Variants in RBM26 observed in about 807,000 individuals in gnomAD.
RBM26 encodes the protein RNA-binding protein 26.
A neutral mutation model predicts 123.6 loss-of-function variants in RBM26; 30 were observed. The observed-to-expected ratio is 0.24, with a 90% CI of 0.18 to 0.33. The LOEUF (loss-of-function observed/expected upper bound fraction) is 0.33, where lower values mean the gene tolerates loss of function less well. Among genes scored for constraint, RBM26 ranks in the 10% least tolerant of loss-of-function variants. The pLI is 1.00. For synonymous variants in RBM26, 400 were observed against 404.4 expected, an observed-to-expected ratio of 0.99 and a Z score of 0.13; for missense variants, 947 against 1,203.6, an observed-to-expected ratio of 0.79 and a Z score of 3.15.
At chr13:79,364,949 A>C (rs1446671053) in intron 9 of RBM26, among the ~76,000 whole-genome samples, 1 of 152,146 alleles carries the variant, frequency 6.6e-6, no homozygotes, top group African/African-American at 2.4e-5. Flanking sequence ...TAGGAATTAA[A>C]GCGTTACTCT....
chr13:79,373,993 G>C (rs887296628), intron 3 of RBM26, among the ~76,000 whole-genome samples: 1 of 151,604 alleles, frequency 6.6e-6, no homozygotes, highest in African/African-American at 2.4e-5. Flanking sequence ...GGGACTTAGA[G>C]GTTGAACAAA....
At chr13:79,394,656 CAG>C (rs1346115694) in intron 1 of RBM26, among the ~76,000 whole-genome samples, 1 of 152,138 alleles carries the variant, frequency 6.6e-6, no homozygotes, top group Non-Finnish European at 1.5e-5. Context: ...TTATTTTTGA[CAG>C]AGTCTCGCTC....
downstream of RBM26, among the ~76,000 whole-genome samples, chr13:79,317,205 G>A (rs2067230236): frequency 1.3e-5 from 2 of 151,728 alleles, no homozygotes; most frequent in South Asian, 4.1e-4. Flanking sequence ...ATGCAAGCAT[G>A]TAGGAACACT....
At chr13:79,357,357 A>G (rs1029436048) in intron 11 of RBM26, among the ~76,000 whole-genome samples, 1 of 152,056 alleles carries the variant, frequency 6.6e-6, no homozygotes, top group African/African-American at 2.4e-5. Flanking sequence ...ATAAAATATA[A>G]TTATTTTAAT....
At chr13:79,363,232 T>C (rs1381467450) in intron 9 of RBM26, among the ~76,000 whole-genome samples, 1 of 152,168 alleles carries the variant, frequency 6.6e-6, no homozygotes, top group Non-Finnish European at 1.5e-5. Flanking sequence ...AACTATCACA[T>C]AATAATAAGT....
intron 1 of RBM26, among the ~76,000 whole-genome samples, chr13:79,402,316 GAC>G (rs1223903061): frequency 2.6e-5 from 4 of 151,794 alleles, no homozygotes; most frequent in Admixed American, 2.0e-4. Context: ...TTATGAAAAA[GAC>G]ATTGAAAATT....
At chr13:79,368,676 T>C in intron 6 of RBM26, 54 bp downstream of exon 6, 2 of 1,528,868 alleles carry the variant, frequency 1.3e-6, no homozygotes, top group Non-Finnish European at 1.8e-6. Flanking sequence ...AACACAGAAT[T>C]TAGGCAGCTG....
chr13:79,347,390 A>G (rs2072514847), intron 14 of RBM26, among the ~76,000 whole-genome samples: 1 of 152,214 alleles, frequency 6.6e-6, no homozygotes, highest in East Asian at 1.9e-4. Flanking sequence ...TGACTTATAA[A>G]CAATGAACTA....
chr13:79,391,343 T>TA (rs2077965199), intron 1 of RBM26, among the ~76,000 whole-genome samples: 1 of 152,178 alleles, frequency 6.6e-6, no homozygotes, highest in South Asian at 2.1e-4. Context: ...TAGGGAAAGT[T>TA]TTTCTGACTA....
chr13:79,325,926 GAT>G (rs2068335392), intron 20 of RBM26, among the ~76,000 whole-genome samples: 1 of 152,068 alleles, frequency 6.6e-6, no homozygotes, highest in Admixed American at 6.6e-5. Flanking sequence ...TCTATGTTTA[GAT>G]ATGTTTGCCT....
At chr13:79,331,148 C>T (rs1319529174) in intron 20 of RBM26, among the ~76,000 whole-genome samples, 2 of 152,092 alleles carry the variant, frequency 1.3e-5, no homozygotes, top group African/African-American at 2.4e-5. Flanking sequence ...ACAGCTGGGA[C>T]TGCAGGTGCA....
intron 14 of RBM26, among the ~76,000 whole-genome samples, chr13:79,352,039 T>C (rs2139434504): frequency 6.6e-6 from 1 of 152,292 alleles, no homozygotes. Context: ...TAAATTAATT[T>C]ATATAGGAAA....
At chr13:79,377,155 T>C (rs2076725086) in intron 3 of RBM26, 1 of 427,440 alleles carries the variant, frequency 2.3e-6, no homozygotes, top group East Asian at 3.6e-5. Context: ...CTTGGCCTCA[T>C]ACACCTTTTC....
intron 1 of RBM26, among the ~76,000 whole-genome samples, chr13:79,392,579 T>C (rs2078191861): frequency 6.8e-6 from 1 of 146,956 alleles, no homozygotes; most frequent in Non-Finnish European, 1.5e-5. Flanking sequence ...TATCCATATA[T>C]AATTTATATA....
intron 18 of RBM26, among the ~76,000 whole-genome samples, chr13:79,338,115 G>A (rs937145556): frequency 6.6e-6 from 1 of 152,160 alleles, no homozygotes; most frequent in African/African-American, 2.4e-5. Context: ...GGGAGGCTGA[G>A]GCAGGAGAAT....
intron 2 of RBM26, among the ~76,000 whole-genome samples, chr13:79,378,246 CTTAATCTT>C (rs1237573054): frequency 6.6e-6 from 1 of 152,166 alleles, no homozygotes; most frequent in African/African-American, 2.4e-5. Flanking sequence ...CAGTCATTTT[CTTAATCTT>C]TTAATCTATG....
chr13:79,346,210 T>C (rs2072298880), intron 14 of RBM26, among the ~76,000 whole-genome samples: 1 of 152,206 alleles, frequency 6.6e-6, no homozygotes. Context: ...TCTTTCATCA[T>C]GAAATCTGAT....
At chr13:79,352,734 G>A (rs914582845) in intron 14 of RBM26, among the ~76,000 whole-genome samples, 2 of 152,072 alleles carry the variant, frequency 1.3e-5, no homozygotes, top group Admixed American at 6.6e-5. Flanking sequence ...TTTTACCGAT[G>A]AGTAAAAAGA....
intron 1 of RBM26, among the ~76,000 whole-genome samples, chr13:79,396,586 A>G (rs1023640295): frequency 3.3e-5 from 5 of 152,170 alleles, no homozygotes; most frequent in Admixed American, 6.5e-5. Flanking sequence ...CCTATTAAAG[A>G]CATTGATTTT....
Sources: gnomAD v4.1 joint callset for allele counts (sites outside exome capture counted in the v4.1 genomes callset) on GRCh38, gnomAD v4.1.1 for gene constraint, MANE v1.5 for transcripts, NCBI Gene and HGNC (gene_info 2026-07-23, HGNC 2026-07-21) for gene names.